Variants in AFDN observed in about 807,000 individuals in gnomAD.
The protein encoded by AFDN is afadin.
Under a neutral mutation model 216.6 loss-of-function variants are expected in AFDN, and 68 were observed. That is an observed-to-expected ratio of 0.31 (90% CI 0.26 to 0.38). The LOEUF (loss-of-function observed/expected upper bound fraction) is 0.38. Among genes scored for constraint, AFDN ranks in the 10% least tolerant of loss-of-function variants. The pLI, the probability that AFDN is intolerant of heterozygous loss-of-function variation, is 1.00. For synonymous variants in AFDN, 868 were observed against 853.7 expected, an observed-to-expected ratio of 1.02 and a Z score of -0.29; for missense variants, 2,136 against 2,342.0, an observed-to-expected ratio of 0.91 and a Z score of 1.82.
chr6:167,846,615 G>A (rs775849722), intron 1 of AFDN, among the ~76,000 whole-genome samples: 2 of 149,848 alleles, frequency 1.3e-5, no homozygotes, highest in Admixed American at 6.7e-5. Context: ...GTATATTTAT[G>A]AAATGGCTTT....
chr6:167,963,368 C>G, intron 31 of AFDN: 1 of 1,058,742 alleles, frequency 9.4e-7, no homozygotes, highest in Non-Finnish European at 1.1e-6. Flanking sequence ...TCTGTTACTT[C>G]CCTTCTATGA....
At chr6:167,944,613 G>A (rs551125266) in intron 26 of AFDN, among the ~76,000 whole-genome samples, 2 of 152,194 alleles carry the variant, frequency 1.3e-5, no homozygotes, top group East Asian at 1.9e-4. Context: ...TGAAAAATTC[G>A]TCCTTAGTTT....
At chr6:167,854,770 G>GT (rs1466562604) in intron 1 of AFDN, among the ~76,000 whole-genome samples, 2 of 149,266 alleles carry the variant, frequency 1.3e-5, no homozygotes, top group Non-Finnish European at 1.5e-5. Context: ...GATTTTTATA[G>GT]TTTTTTTAAA....
intron 6 of AFDN, among the ~76,000 whole-genome samples, chr6:167,883,689 T>C (rs552402888): frequency 3.9e-5 from 6 of 152,338 alleles, no homozygotes; most frequent in African/African-American, 1.4e-4. Context: ...AAAAATGCTT[T>C]ATTACTTAAA....
chr6:167,837,755 A>C (rs150930445), intron 1 of AFDN, among the ~76,000 whole-genome samples: 2 of 152,322 alleles, frequency 1.3e-5, no homozygotes, highest in African/African-American at 4.8e-5. Flanking sequence ...CAGAGCAGTG[A>C]TTGGAACCCA....
intron 1 of AFDN, among the ~76,000 whole-genome samples, chr6:167,861,728 A>C (rs1783595517): frequency 6.6e-6 from 1 of 152,278 alleles, no homozygotes; most frequent in African/African-American, 2.4e-5. Context: ...CTTGCCAGCC[A>C]CAGATGATGC....
chr6:167,963,534 T>G (rs1206249746), intron 31 of AFDN: 1 of 1,056,116 alleles, frequency 9.5e-7, no homozygotes, highest in African/African-American at 1.7e-5. Context: ...TATGCTCTAT[T>G]AGGATACAGA....
intron 30 of AFDN, among the ~76,000 whole-genome samples, chr6:167,961,592 G>T: frequency 7.3e-6 from 1 of 137,598 alleles, no homozygotes; most frequent in Non-Finnish European, 1.6e-5. Flanking sequence ...TGAAGGAAAG[G>T]TATCTTTCTG....
chr6:167,890,908 A>G lies in AFDN; in HGVS notation c.1056A>G (p.Pro352=). 1 of 1,614,104 alleles carries G rather than the reference A, an allele frequency of 6.2e-7. No homozygotes were observed. Among genetic ancestry groups the G allele is most frequent in the Middle Eastern group, 1.7e-4 (1 of 6,060 alleles). Residue 352 remains proline (P), a synonymous_variant, in exon 8 of 34, where the codon CCA becomes CCG. Coordinates refer to ENST00000683244, the MANE Select transcript of AFDN (RefSeq NM_001386888.1). ...QLKRRPPDHI[P]KKTKKHLEGK... is the part of the protein sequence containing the mutation. Reference sequence around the variant, plus strand: ...AGAGGAGGCCACCAGACCACATCCCAAAGAAAACCAAGAAACACTTGGAAG... The same window carrying G: ...AGAGGAGGCCACCAGACCACATCCCGAAGAAAACCAAGAAACACTTGGAAG...
intron 5 of AFDN, among the ~76,000 whole-genome samples, chr6:167,878,645 T>C (rs942437328): frequency 4.0e-5 from 6 of 151,806 alleles, no homozygotes; most frequent in African/African-American, 1.5e-4. Flanking sequence ...ACTTAAACCC[T>C]TCCAGTGGCT....
rs1729896131 is a variant in AFDN, at chr6:167,971,807, T to A, written c.*1872T>A. 4.8e-6 allele frequency: 1 copy of A among 206,284 alleles called. No individual in the cohort carries two copies. The highest frequency in any genetic ancestry group is 1.9e-4 in the South Asian group (1 of 5,290). The allele number at this position is 206,284 out of a possible 1,614,324, so 12.8% of individuals were successfully genotyped here. A position where few individuals can be genotyped will look rare whatever the true frequency, so the allele number is the denominator to read the frequency against. Reference sequence around the variant, plus strand: ...AATGTGAATATGTGTAAAAGTGCTTTTCAGAACTGCATTACTATGAGAAAA... The same window carrying A: ...AATGTGAATATGTGTAAAAGTGCTTATCAGAACTGCATTACTATGAGAAAA... On this transcript the variant is annotated 3_prime_UTR_variant, in exon 34 of 34. Transcript: ENST00000683244.
Position 167,915,340 on chromosome 6 carries a change from G to T in AFDN, c.2472G>T (p.Ala824=). ...GGCTGTGCTCCCATTACTGGGGTGC[G>T]ATTATCCGTCAGCAGTTGGGCCATA... The part of the protein sequence containing the change: ...DSGLCSHYWG[A]IIRQQLGHIE... Residue 824 remains alanine, a synonymous_variant, in exon 19 of 34, where the codon GCG becomes GCT. Transcript: ENST00000683244. 1 of 1,614,230 alleles carries T rather than the reference G, an allele frequency of 6.2e-7. No individual in the cohort carries two copies. Among genetic ancestry groups the T allele is most frequent in the South Asian group, 1.1e-5 (1 of 91,084 alleles).
At chr6:167,831,104 G>A (rs1779784402) in intron 1 of AFDN, among the ~76,000 whole-genome samples, 2 of 151,932 alleles carry the variant, frequency 1.3e-5, no homozygotes, top group South Asian at 4.2e-4. Context: ...ACAACATCTG[G>A]CTAGCTTTTG....
chr6:167,869,104 GC>G (rs1296652869), intron 2 of AFDN, among the ~76,000 whole-genome samples: 1 of 152,016 alleles, frequency 6.6e-6, no homozygotes, highest in Non-Finnish European at 1.5e-5. Flanking sequence ...GCAAAGTATA[GC>G]AGTTTGCAGT....
chr6:167,943,281 T>G, intron 24 of AFDN, 87 bp downstream of exon 24: 1 of 1,420,860 alleles, frequency 7.0e-7, no homozygotes, highest in Non-Finnish European at 9.9e-7. Flanking sequence ...CTTCTAGTTA[T>G]GTAGCACTAT....
At chr6:167,865,987 G>A (rs1376963865) in intron 2 of AFDN, among the ~76,000 whole-genome samples, 1 of 152,016 alleles carries the variant, frequency 6.6e-6, no homozygotes, top group East Asian at 1.9e-4. Context: ...CATCATTAAT[G>A]CCAAAACTAA....
intron 8 of AFDN, among the ~76,000 whole-genome samples, chr6:167,891,427 G>T (rs1370174966): frequency 6.6e-6 from 1 of 151,402 alleles, no homozygotes; most frequent in Non-Finnish European, 1.5e-5. Context: ...GTGTGTGTGT[G>T]TGTGTGTGTG....
At position 167,827,144 on chromosome 6, in the gene AFDN, C is replaced by T; in HGVS notation, c.12C>T (p.Gly4=). The change falls in exon 1 of 34, where the codon GGC becomes GGT. Residue 4 remains glycine, a synonymous_variant. Coordinates refer to ENST00000683244, the MANE Select transcript of AFDN (RefSeq NM_001386888.1). ...GCGCGGCCAGGACCATGTCGGCGGG[C>T]GGCCGTGACGAGGAGCGGCGGAAGC... is the stretch of plus-strand genomic sequence containing the variant. The part of the protein sequence containing the change: MSA[G]GRDEERRKLA... 7.8e-7 allele frequency: 1 copy of T among 1,288,348 alleles called. No homozygotes were observed. 79.8% of individuals were successfully genotyped at this position (1,288,348 alleles called of 1,614,324 possible).
intron 1 of AFDN, among the ~76,000 whole-genome samples, chr6:167,833,363 A>G (rs527310423): frequency 6.6e-6 from 1 of 152,324 alleles, no homozygotes; most frequent in African/African-American, 2.4e-5. Context: ...ACCCAACATT[A>G]TGATCCGTGA....
Sources: allele counts gnomAD v4.1 joint callset (sites outside exome capture counted in the v4.1 genomes callset), GRCh38; gene constraint gnomAD v4.1.1; transcripts MANE v1.5; gene names NCBI Gene and HGNC (gene_info 2026-07-23, HGNC 2026-07-21).